The following TTC28 variants were observed in gnomAD, a reference collection of about 807,000 sequenced individuals.
TTC28 encodes tetratricopeptide repeat protein 28.
TTC28 carries 61 observed loss-of-function variants against 198.0 expected under a neutral mutation model. The ratio of observed to expected loss-of-function variants is 0.31; its 90% CI spans 0.25 to 0.38. TTC28 has a LOEUF of 0.38. TTC28 is among the 10% of genes least tolerant of loss of function. The probability of loss-of-function intolerance (pLI) is 1.00; values close to 1 mark genes in which losing one functional copy is unlikely to be tolerated. For synonymous variants in TTC28, 1,171 were observed against 1,297.8 expected, an observed-to-expected ratio of 0.90 and a Z score of 2.10; for missense variants, 2,678 against 3,164.0, an observed-to-expected ratio of 0.85 and a Z score of 3.69.
chr22:28,619,729 C>G (rs2050961407), intron 2 of TTC28, among the ~76,000 whole-genome samples: 1 of 152,132 alleles, frequency 6.6e-6, no homozygotes, highest in African/African-American at 2.4e-5. Context: ...TAGTTTGAGG[C>G]ACTACGAAGA....
chr22:28,597,444 G>C (rs1022727748), intron 2 of TTC28, among the ~76,000 whole-genome samples: 2 of 152,034 alleles, frequency 1.3e-5, no homozygotes, highest in African/African-American at 4.8e-5. Flanking sequence ...CCCTTCAAAA[G>C]AAACTATGCA....
chr22:28,177,251 A>G (rs1465487437), intron 5 of TTC28, among the ~76,000 whole-genome samples: 4 of 152,252 alleles, frequency 2.6e-5, no homozygotes, highest in Non-Finnish European at 5.9e-5. Flanking sequence ...GTATACGGAA[A>G]GATGTTCAAC....
chr22:28,008,038 A>T (rs557516294), intron 14 of TTC28: 2 of 152,272 alleles, frequency 1.3e-5, no homozygotes, highest in South Asian at 4.1e-4. Context: ...CCTCTACCTC[A>T]TACTGGAATC....
At chr22:27,996,400 C>T (rs1937553238) in intron 16 of TTC28, 141 bp from the exon 17 acceptor site, 1 of 1,242,326 alleles carries the variant, frequency 8.0e-7, no homozygotes, top group South Asian at 1.6e-5. Context: ...ACAGGCTGGC[C>T]TGGGGCATCT....
intron 5 of TTC28, among the ~76,000 whole-genome samples, chr22:28,224,358 T>C (rs550939457): frequency 6.6e-6 from 1 of 152,290 alleles, no homozygotes; most frequent in South Asian, 2.1e-4. Flanking sequence ...GCACATGTAG[T>C]ATGCAATGTG....
chr22:28,133,041 G>A (rs1347731920), intron 6 of TTC28, among the ~76,000 whole-genome samples: 1 of 152,138 alleles, frequency 6.6e-6, no homozygotes, highest in Non-Finnish European at 1.5e-5. Flanking sequence ...TGGCCAACAT[G>A]GTGAAACCCC....
In TTC28 at chr22:28,348,495, T is replaced by C. The variant is rs181182522; in HGVS notation, c.382-41852A>G. Among the ~76,000 whole-genome samples, 1,155 of 152,192 alleles carry C rather than the reference T, an allele frequency of 7.6e-3. 57 individuals carry two copies. The highest frequency in any genetic ancestry group is 0.069 in the Admixed American group (1,047 of 15,278). On this transcript the variant is annotated intron_variant, in intron 2 of 22. Coordinates refer to ENST00000397906, the MANE Select transcript of TTC28 (RefSeq NM_001145418.2). ...GAGGAACTGAGCTCAAAATAAAGCA[T>C]ACAGATTTTATAACATCCTTGGAAT...
intron 5 of TTC28, among the ~76,000 whole-genome samples, chr22:28,166,628 A>C (rs1033866304): frequency 6.6e-6 from 1 of 152,256 alleles, no homozygotes; most frequent in Non-Finnish European, 1.5e-5. Context: ...AGCCAATGAG[A>C]ACAAAGACAC....
intron 12 of TTC28, among the ~76,000 whole-genome samples, chr22:28,043,404 A>C (rs1939742688): frequency 6.6e-6 from 1 of 151,958 alleles, no homozygotes; most frequent in African/African-American, 2.4e-5. Context: ...TGTGCACTGG[A>C]ATTCAGGGGA....
At chr22:28,472,690 C>T (rs1385036568) in intron 2 of TTC28, among the ~76,000 whole-genome samples, 1 of 151,496 alleles carries the variant, frequency 6.6e-6, no homozygotes, top group African/African-American at 2.4e-5. Context: ...ATCTGCATAA[C>T]AAACATTCCT....
intron 2 of TTC28, among the ~76,000 whole-genome samples, chr22:28,496,522 T>C (rs1239629135): frequency 6.6e-6 from 1 of 152,136 alleles, no homozygotes; most frequent in Non-Finnish European, 1.5e-5. Flanking sequence ...CTGTTGGTTC[T>C]ACCTTTTAAA....
chr22:28,577,809 G>A (rs747518458), intron 2 of TTC28, among the ~76,000 whole-genome samples: 14 of 151,738 alleles, frequency 9.2e-5, no homozygotes, highest in Non-Finnish European at 1.5e-4. Context: ...GTTTCCATTT[G>A]CATGGAGTAT....
chr22:28,054,388 T>C (rs1356823418), intron 12 of TTC28, among the ~76,000 whole-genome samples: 1 of 152,152 alleles, frequency 6.6e-6, no homozygotes, highest in African/African-American at 2.4e-5. Context: ...CCAAACACAA[T>C]GCAAAACCAA....
Position 27,983,285 on chromosome 22 carries a change from G to A in TTC28, c.6382C>T (p.Leu2128=). 1 of 1,552,068 alleles carries A rather than the reference G, an allele frequency of 6.4e-7. No individual in the cohort carries two copies. Among genetic ancestry groups the A allele is most frequent in the East Asian group, 2.4e-5 (1 of 40,898 alleles). The stretch of plus-strand genomic sequence containing the variant: ...GATTCTCCTGTATCTGAGCTTGCTA[G>A]TTTTCCCACCTTTTGGAAGGGTGAG... ...PNSPFQKVGK[L]ASSDTGESDQ... The change falls in exon 23 of 23, where the codon CTA becomes TTA. Residue 2128 remains leucine (L), a synonymous_variant. Transcript: ENST00000397906.
intron 2 of TTC28, among the ~76,000 whole-genome samples, chr22:28,354,746 A>G (rs1264751256): frequency 6.6e-6 from 1 of 152,230 alleles, no homozygotes; most frequent in Non-Finnish European, 1.5e-5. Context: ...GCACTGGCAC[A>G]TGACTCAATG....
intron 5 of TTC28, among the ~76,000 whole-genome samples, chr22:28,259,033 G>C (rs1223078658): frequency 6.6e-6 from 1 of 152,118 alleles, no homozygotes; most frequent in Non-Finnish European, 1.5e-5. Context: ...AAGTACTGCT[G>C]TGGTAGTGGG....
At chr22:28,327,575 G>A (rs2045551927) in intron 2 of TTC28, among the ~76,000 whole-genome samples, 1 of 152,182 alleles carries the variant, frequency 6.6e-6, no homozygotes, top group South Asian at 2.1e-4. Context: ...AGGCTCACAG[G>A]AACCTAACCC....
chr22:28,227,668 ACC>A (rs2147219657), intron 5 of TTC28, among the ~76,000 whole-genome samples: 2 of 152,170 alleles, frequency 1.3e-5, no homozygotes, highest in South Asian at 4.1e-4. Flanking sequence ...ACAATGAGAT[ACC>A]ACTTCGCACT....
At chr22:28,384,223 T>C (rs2046539208) in intron 2 of TTC28, among the ~76,000 whole-genome samples, 1 of 152,212 alleles carries the variant, frequency 6.6e-6, no homozygotes, top group Non-Finnish European at 1.5e-5. Context: ...TCACTCTTTT[T>C]TTTTAAACAT....
Sources: allele counts gnomAD v4.1 joint callset (sites outside exome capture counted in the v4.1 genomes callset), GRCh38; gene constraint gnomAD v4.1.1; transcripts MANE v1.5; gene names NCBI Gene and HGNC (gene_info 2026-07-23, HGNC 2026-07-21).